Variants in CERS4 observed in about 807,000 individuals in gnomAD.
The protein encoded by CERS4 is ceramide synthase 4, also known as LAG1 homolog, ceramide synthase 4.
CERS4 carries 65 observed loss-of-function variants against 51.8 expected under a neutral mutation model. That is an observed-to-expected ratio of 1.26 (90% CI 1.03 to 1.54). The LOEUF (loss-of-function observed/expected upper bound fraction) is 1.54. Ranked by LOEUF, CERS4 falls within the 40% of genes most tolerant of loss-of-function variation. The pLI, the probability that CERS4 is intolerant of heterozygous loss-of-function variation, is 0.00. For synonymous variants in CERS4, 228 were observed against 208.4 expected, an observed-to-expected ratio of 1.09 and a Z score of -0.81; for missense variants, 563 against 500.4, an observed-to-expected ratio of 1.13 and a Z score of -1.19.
intron 2 of CERS4, chr19:8,238,601 G>A (rs975290149): frequency 1.0e-6 from 1 of 985,294 alleles, no homozygotes; most frequent in South Asian, 4.7e-5. Flanking sequence ...CCCACAGCAG[G>A]CACCAGGCCA....
In CERS4 at chr19:8,261,971, C is replaced by T; in HGVS notation, c.1047C>T (p.Ser349=). Residue 349 remains serine (S), a synonymous_variant, in exon 12 of 12, where the codon TCC becomes TCT. Coordinates refer to ENST00000251363, the MANE Select transcript of CERS4 (RefSeq NM_024552.3). ...DIRSDVEESD[S]SEEAAAAQEP... ...GTAGTGATGTAGAAGAATCAGACTC[C>T]AGTGAGGAGGCGGCGGCGGCCCAGG... 13 of 1,604,142 alleles carry T rather than the reference C, an allele frequency of 8.1e-6. No homozygotes were observed. The highest frequency in any genetic ancestry group is 1.1e-5 in the Non-Finnish European group (13 of 1,175,476).
chr19:8,224,182 G>T (rs1967684954), intron 2 of CERS4, among the ~76,000 whole-genome samples: 1 of 151,460 alleles, frequency 6.6e-6, no homozygotes, highest in Non-Finnish European at 1.5e-5. Context: ...GCCAAGGCGG[G>T]CGGATCACGA....
rs200462750 is a variant in CERS4, at chr19:8,254,437, C to CCA, written c.174-55_174-54dup. 3,652 of 1,509,046 alleles carry CCA rather than the reference C, an allele frequency of 2.4e-3. 19 individuals are homozygous for CCA. The highest frequency in any genetic ancestry group is 0.011 in the African/African-American group (777 of 72,968). 93.5% of individuals were successfully genotyped at this position (1,509,046 alleles called of 1,614,324 possible). ...TATCCCACCGGCAGCATGTCTGCCC[C>CCA]CACACACAGGCAGTCCCATCTCTTC... On this transcript the variant is annotated intron_variant, in intron 3 of 11. Transcript: ENST00000251363.
intron 2 of CERS4, among the ~76,000 whole-genome samples, chr19:8,221,762 GTGA>G (rs1445532188): frequency 1.3e-5 from 2 of 151,124 alleles, no homozygotes; most frequent in Non-Finnish European, 2.9e-5. Context: ...ATGACCTCAA[GTGA>G]TCCGCCCTCC....
At chr19:8,261,528 GC>G (rs1324573432) in intron 10 of CERS4, 159 bp from the exon 11 acceptor site, 15 of 750,486 alleles carry the variant, frequency 2.0e-5, no homozygotes, top group Non-Finnish European at 3.3e-5. Context: ...AGGGGGCCTC[GC>G]GTGCCCAGCT....
Position 8,261,685 on chromosome 19 carries a change from T to C in CERS4, c.849-3T>C. 5 of 1,613,900 alleles carry C rather than the reference T, an allele frequency of 3.1e-6. No homozygotes were observed. Among genetic ancestry groups the C allele is most frequent in the Non-Finnish European group, 4.2e-6 (5 of 1,179,946 alleles). On this transcript the variant is annotated splice_region_variant and splice_polypyrimidine_tract_variant and intron_variant, in intron 10 of 11. Coordinates refer to ENST00000251363, the MANE Select transcript of CERS4 (RefSeq NM_024552.3). ...CAGCCTCCTCCTCTCCCCCTGGCTG[T>C]AGGATCCTCTACACCACATACTACG...
At chr19:8,251,278 G>A (rs1599577380) in intron 3 of CERS4, 29 bp downstream of exon 3, 11 of 1,550,364 alleles carry the variant, frequency 7.1e-6, no homozygotes, top group Non-Finnish European at 9.6e-6. Context: ...GCAATCCATT[G>A]CCCCCGCAGT....
intron 2 of CERS4, among the ~76,000 whole-genome samples, chr19:8,246,204 G>C (rs756110438): frequency 1.2e-4 from 18 of 152,142 alleles, no homozygotes; most frequent in Non-Finnish European, 2.2e-4. Context: ...AAATATTTGT[G>C]ATAGGAGACT....
At chr19:8,254,470 C>G in intron 3 of CERS4, 29 bp from the exon 4 acceptor site, 1 of 1,605,132 alleles carries the variant, frequency 6.2e-7, no homozygotes, top group Non-Finnish European at 8.5e-7. Context: ...TTCACCTGGG[C>G]TGATAGGCTC....
chr19:8,261,514 C>T (rs1355435502), intron 10 of CERS4, 174 bp from the exon 11 acceptor site: 12 of 676,438 alleles, frequency 1.8e-5, no homozygotes, highest in East Asian at 1.1e-4. Context: ...TTAGTACAAG[C>T]GAGAGGGGGC....
intron 2 of CERS4, among the ~76,000 whole-genome samples, chr19:8,234,434 C>T (rs934290458): frequency 3.9e-5 from 6 of 152,088 alleles, no homozygotes; most frequent in African/African-American, 1.4e-4. Context: ...CAGGCATGAG[C>T]CACAGCCCCC....
In CERS4 at chr19:8,222,200, T is replaced by A. The variant is rs1599520286; in HGVS notation, c.-2+11338T>A. On this transcript the variant is annotated intron_variant, in intron 2 of 11. Transcript: ENST00000251363. The stretch of plus-strand genomic sequence containing the variant: ...CGGCCCTATTTATTTTTTTTTGAGA[T>A]GGAGTCTCGCTCTGTCACCCAGACT... The A allele has an allele frequency of 1.4e-5, 2 of 147,548 alleles. 1 individual carries two copies. The highest frequency in any genetic ancestry group is 3.0e-5 in the Non-Finnish European group (2 of 66,578). 9.1% of individuals were successfully genotyped at this position (147,548 alleles called of 1,614,324 possible). A position where few individuals can be genotyped will look rare whatever the true frequency, so the allele number is the denominator to read the frequency against.
At chr19:8,241,527 A>C (rs1164727740) in intron 2 of CERS4, 1 of 151,750 alleles carries the variant, frequency 6.6e-6, no homozygotes, top group Non-Finnish European at 1.5e-5. Flanking sequence ...CTGGTCTCGA[A>C]CTCCTGACCT....
intron 4 of CERS4, 74 bp from the exon 5 acceptor site, chr19:8,255,533 A>C: frequency 7.5e-7 from 1 of 1,340,532 alleles, no homozygotes; most frequent in Non-Finnish European, 1.0e-6. Flanking sequence ...GGGCAGAGCC[A>C]AGTCCTGTCT....
chr19:8,210,020 G>GT lies in CERS4; in HGVS notation c.-159+526_-159+527insT, dbSNP rs1967021139. 1 of 57,132 alleles carries GT rather than the reference G, an allele frequency of 1.8e-5. No homozygotes were observed. Among genetic ancestry groups the GT allele is most frequent in the Non-Finnish European group, 4.2e-5 (1 of 23,702 alleles). 3.5% of individuals were successfully genotyped at this position (57,132 alleles called of 1,614,324 possible). A position where few individuals can be genotyped will look rare whatever the true frequency, so the allele number is the denominator to read the frequency against. ...GGACCAGCCAGCGAGGGCTTTTTAG[G>GT]CCCAGGGCCTAGCCGGGAGTGTGTG... is the stretch of plus-strand genomic sequence containing the variant. On this transcript the variant is annotated intron_variant, in intron 1 of 11. Coordinates refer to ENST00000251363, the MANE Select transcript of CERS4 (RefSeq NM_024552.3). This position sits in a 1 kb window ranked among gnomAD's most constrained non-coding sequence, Gnocchi z 4.2.
rs772537485 is a variant in CERS4, at chr19:8,256,683, CA to C, written c.586del (p.Arg196GlyfsTer15). The C allele has an allele frequency of 6.2e-7, 1 of 1,613,902 alleles. No homozygotes were observed. The highest frequency in any genetic ancestry group is 8.5e-7 in the Non-Finnish European group (1 of 1,179,916). On this transcript the variant is annotated frameshift_variant, in exon 8 of 12. Coordinates refer to ENST00000251363, the MANE Select transcript of CERS4 (RefSeq NM_024552.3). LOFTEE classifies it high-confidence loss of function. Reference sequence around the variant, plus strand: ...TGGGTTTCTACCTCTCACTGCTAATCAGGCTGCCCTTTGATGTCAAGCGCAA... The same window carrying C: ...TGGGTTTCTACCTCTCACTGCTAATCGGCTGCCCTTTGATGTCAAGCGCAA... ...ELGFYLSLLI[R>X]LPFDVKRKDF...
intron 10 of CERS4, chr19:8,261,365 A>T (rs891910709): frequency 3.3e-6 from 1 of 304,612 alleles, no homozygotes; most frequent in Admixed American, 4.4e-5. Context: ...GATGAAGGGG[A>T]GGTGATGGGG....
At chr19:8,219,886 G>C (rs1019030317) in intron 2 of CERS4, among the ~76,000 whole-genome samples, 3 of 151,980 alleles carry the variant, frequency 2.0e-5, no homozygotes, top group African/African-American at 7.2e-5. Context: ...AGGAGGCTGA[G>C]GCAGGGGGAT....
At chr19:8,253,515 A>G (rs1568532635) in intron 3 of CERS4, among the ~76,000 whole-genome samples, 2 of 136,280 alleles carry the variant, frequency 1.5e-5, no homozygotes, top group Admixed American at 8.4e-5. Flanking sequence ...GCTTGAGTGC[A>G]GTGGTGCGAT....
Sources: allele counts gnomAD v4.1 joint callset (sites outside exome capture counted in the v4.1 genomes callset), GRCh38; gene constraint gnomAD v4.1.1; non-coding constraint Gnocchi (gnomAD v3.1); transcripts MANE v1.5; gene names NCBI Gene and HGNC (gene_info 2026-07-23, HGNC 2026-07-21).